The following SMYD3 variants were observed in gnomAD, a reference collection of about 807,000 sequenced individuals.
SMYD3 encodes the protein SET and MYND domain containing 3.
SMYD3 carries 36 observed loss-of-function variants against 57.7 expected under a neutral mutation model. That is an observed-to-expected ratio of 0.62 (90% confidence interval 0.48 to 0.82). The LOEUF is 0.82. Among genes scored for constraint, SMYD3 ranks in the 40% least tolerant of loss-of-function variants. The probability of loss-of-function intolerance (pLI) is 0.00; values close to 1 mark genes in which losing one functional copy is unlikely to be tolerated. For synonymous variants in SMYD3, 211 were observed against 195.0 expected, an observed-to-expected ratio of 1.08 and a Z score of -0.68; for missense variants, 515 against 538.8, an observed-to-expected ratio of 0.96 and a Z score of 0.44.
intron 5 of SMYD3, among the ~76,000 whole-genome samples, chr1:246,229,301 T>A (rs7519681): frequency 0.14 from 21,575 of 151,634 alleles, 1,627 homozygotes; most frequent in East Asian, 0.21. Context: ...TTACTAATTT[T>A]AAAAAAAAGG....
At chr1:246,184,329 T>C (rs1319657121) in intron 5 of SMYD3, among the ~76,000 whole-genome samples, 1 of 152,190 alleles carries the variant, frequency 6.6e-6, no homozygotes, top group Non-Finnish European at 1.5e-5. Flanking sequence ...TTGTAACCAC[T>C]GAAAAATTAG....
intron 5 of SMYD3, among the ~76,000 whole-genome samples, chr1:246,133,077 T>C (rs186834790): frequency 5.9e-5 from 9 of 151,976 alleles, no homozygotes; most frequent in Non-Finnish European, 1.3e-4. Flanking sequence ...AAAAACAGTA[T>C]GGCATTTCTT....
At chr1:246,269,148 G>A (rs2064168439) in intron 5 of SMYD3, among the ~76,000 whole-genome samples, 1 of 152,074 alleles carries the variant, frequency 6.6e-6, no homozygotes. Context: ...AAGGCCCAGG[G>A]TTAAGGCCCA....
chr1:246,359,282 C>A (rs1170323569), intron 1 of SMYD3, among the ~76,000 whole-genome samples: 1 of 152,052 alleles, frequency 6.6e-6, no homozygotes, highest in Non-Finnish European at 1.5e-5. Context: ...AAACTCTGAA[C>A]AGACCAATAA....
chr1:246,414,774 G>A (rs1394454220), intron 1 of SMYD3, among the ~76,000 whole-genome samples: 2 of 141,484 alleles, frequency 1.4e-5, no homozygotes, highest in African/African-American at 5.3e-5. Flanking sequence ...CCAGAGTGCA[G>A]TGGCATGCTA....
chr1:246,355,451 C>A lies in SMYD3; in HGVS notation c.165-357G>T. 4.9e-6 allele frequency: 1 copy of A among 205,502 alleles called. No homozygotes were observed. The highest frequency in any genetic ancestry group is 9.9e-6 in the Non-Finnish European group (1 of 101,328). 12.7% of individuals were successfully genotyped at this position (205,502 alleles called of 1,614,324 possible). A position where few individuals can be genotyped will look rare whatever the true frequency, so the allele number is the denominator to read the frequency against. On this transcript the variant is annotated intron_variant, in intron 1 of 11. Coordinates refer to ENST00000490107, the MANE Select transcript of SMYD3 (RefSeq NM_001167740.2). This position sits in a 1 kb window ranked among gnomAD's most constrained non-coding sequence, Gnocchi z 5.0. ...GGTAAACTAAGAGAATCCACAGACC[C>A]TCTGAAGGAACTGTATCGCCACTGC...
At chr1:246,447,682 G>T (rs1176566299) in intron 1 of SMYD3, among the ~76,000 whole-genome samples, 1 of 152,212 alleles carries the variant, frequency 6.6e-6, no homozygotes, top group Non-Finnish European at 1.5e-5. Flanking sequence ...ATAAATCACA[G>T]TAGGCAGGTC....
chr1:245,835,542 C>A (rs1227178061), intron 10 of SMYD3, among the ~76,000 whole-genome samples: 1 of 152,134 alleles, frequency 6.6e-6, no homozygotes, highest in Non-Finnish European at 1.5e-5. Context: ...ATATTTTTAG[C>A]CTGGCACAGA....
chr1:245,879,118 C>T (rs976432806), intron 8 of SMYD3, among the ~76,000 whole-genome samples: 9 of 152,182 alleles, frequency 5.9e-5, no homozygotes, highest in Non-Finnish European at 1.2e-4. Flanking sequence ...GCACGGTAGT[C>T]ATTAAACTAT....
At chr1:246,384,467 C>T (rs1371271969) in intron 1 of SMYD3, among the ~76,000 whole-genome samples, 4 of 151,986 alleles carry the variant, frequency 2.6e-5, no homozygotes, top group African/African-American at 9.7e-5. Flanking sequence ...GCCATCTCGG[C>T]TCACTGCAAC....
chr1:245,791,209 C>G (rs2047252415), intron 10 of SMYD3, among the ~76,000 whole-genome samples: 1 of 152,138 alleles, frequency 6.6e-6, no homozygotes, highest in African/African-American at 2.4e-5. Context: ...CATGGGATAC[C>G]TATACTAAAC....
At chr1:245,770,718 C>T (rs1413865527) in intron 10 of SMYD3, among the ~76,000 whole-genome samples, 3 of 152,118 alleles carry the variant, frequency 2.0e-5, no homozygotes, top group East Asian at 3.8e-4. Flanking sequence ...GGTTCTCATA[C>T]ACAGACTTTA....
At chr1:246,030,454 A>C (rs1311566726) in intron 5 of SMYD3, among the ~76,000 whole-genome samples, 1 of 152,218 alleles carries the variant, frequency 6.6e-6, no homozygotes, top group Non-Finnish European at 1.5e-5. Flanking sequence ...GATGGATACA[A>C]AATTACAGTT....
At chr1:246,146,322 T>C (rs2061841969) in intron 5 of SMYD3, among the ~76,000 whole-genome samples, 1 of 152,164 alleles carries the variant, frequency 6.6e-6, no homozygotes, top group South Asian at 2.1e-4. Context: ...CCCAGGACAT[T>C]TGTATATCAA....
At chr1:245,762,160 T>G (rs2045873549) in intron 11 of SMYD3, among the ~76,000 whole-genome samples, 1 of 152,210 alleles carries the variant, frequency 6.6e-6, no homozygotes, top group Non-Finnish European at 1.5e-5. Context: ...TGGCTCTGCC[T>G]CTGTGCGACT....
At chr1:246,372,774 TGA>T (rs2066213301) in intron 1 of SMYD3, among the ~76,000 whole-genome samples, 1 of 152,152 alleles carries the variant, frequency 6.6e-6, no homozygotes, top group Non-Finnish European at 1.5e-5. Context: ...GCGGGTCACC[TGA>T]GGTCAGGAGA....
intron 5 of SMYD3, among the ~76,000 whole-genome samples, chr1:246,306,974 T>C (rs1412325114): frequency 1.3e-5 from 2 of 149,224 alleles, no homozygotes; most frequent in Non-Finnish European, 3.0e-5. Flanking sequence ...TAGGGGAGGA[T>C]GGGTTTTTCT....
chr1:246,500,926 C>A (rs1204724083), intron 1 of SMYD3, among the ~76,000 whole-genome samples: 1 of 152,164 alleles, frequency 6.6e-6, no homozygotes, highest in Non-Finnish European at 1.5e-5. Context: ...AATTATGACT[C>A]CCACTTAAAA....
At chr1:245,897,671 G>C (rs1054343934) in intron 8 of SMYD3, among the ~76,000 whole-genome samples, 6 of 152,128 alleles carry the variant, frequency 3.9e-5, no homozygotes, top group Non-Finnish European at 7.4e-5. Flanking sequence ...AGGGCGGGTG[G>C]ATCACTTGAG....
Sources: gnomAD v4.1 joint callset for allele counts (sites outside exome capture counted in the v4.1 genomes callset) on GRCh38, gnomAD v4.1.1 for gene constraint, Gnocchi (gnomAD v3.1) non-coding constraint, MANE v1.5 for transcripts, NCBI Gene and HGNC (gene_info 2026-07-23, HGNC 2026-07-21) for gene names.